The following KRT4 variants were observed in gnomAD, a reference collection of about 807,000 sequenced individuals.
KRT4 encodes keratin, type II cytoskeletal 4.
In KRT4, 47 loss-of-function variants were observed where a neutral mutation model predicts 50.6. The observed-to-expected ratio is 0.93, with a 90% CI of 0.73 to 1.18. KRT4 has a LOEUF of 1.18. Ranked by LOEUF, KRT4 falls within the 50% of genes most tolerant of loss-of-function variation. The pLI, the probability that KRT4 is intolerant of heterozygous loss-of-function variation, is 0.00. For missense variants in KRT4, 651 were observed against 645.7 expected (o/e 1.01, Z -0.09); for synonymous variants, 254 against 251.2 (o/e 1.01, Z -0.10).
In KRT4 at chr12:52,807,403, A is replaced by G; in HGVS notation, c.1347-10T>C. 6.2e-7 allele frequency: 1 copy of G among 1,614,180 alleles called. No homozygotes were observed. The highest frequency in any genetic ancestry group is 8.5e-7 in the Non-Finnish European group (1 of 1,180,010). ...GCATTCTCCAGACATTCTGTAGGGG[A>G]AAGAAAAGGCGGTGAGCCTCAGGGA... On this transcript the variant is annotated splice_polypyrimidine_tract_variant and intron_variant, in intron 7 of 8. Transcript: ENST00000551956.
At chr12:52,808,568 G>A (rs1939849351) in intron 5 of KRT4, 118 bp downstream of exon 5, 7 of 1,478,248 alleles carry the variant, frequency 4.7e-6, no homozygotes, top group Non-Finnish European at 6.6e-6. Flanking sequence ...AACGATGCCT[G>A]GGAGAGTCTG....
At position 52,808,331 on chromosome 12, in the gene KRT4, T is replaced by C; in HGVS notation, c.1088A>G (p.Gln363Arg). 6.2e-7 allele frequency: 1 copy of C among 1,614,176 alleles called. No homozygotes were observed. The highest frequency in any genetic ancestry group is 8.5e-7 in the Non-Finnish European group (1 of 1,180,028). Residue 363 changes from glutamine to arginine, a missense_variant, in exon 6 of 9, where the codon CAG (glutamine) becomes CGG (arginine). Gln to Arg is a conservative substitution (Grantham distance 43). Transcript: ENST00000551956. ...SEIAELNRMI[Q>R]RLRAEIENIK... The stretch of plus-strand genomic sequence containing the variant: ...GTTCTCGATCTCTGCCCGCAGCCTC[T>C]GGATCATCCTGTTGAGCTCTGCAAT...
rs1260907872 is a variant in KRT4, at chr12:52,808,820, C to T, written c.865G>A (p.Asp289Asn). 1.3e-5 allele frequency: 21 copies of T among 1,614,042 alleles called. No homozygotes were observed. The highest frequency in any genetic ancestry group is 1.6e-4 in the Middle Eastern group (1 of 6,084). Residue 289 changes from aspartate (D) to asparagine (N), a missense_variant, in exon 5 of 9, where the codon GAC becomes AAC. Coordinates refer to ENST00000551956, the MANE Select transcript of KRT4 (RefSeq NM_002272.4). ...ELSQMQTHVS[D>N]TSVVLSMDNN... ...TCCATGGAAAGGACCACGGACGTGTCGCTGACATGGGTCTGCATCTGGGAC... is the reference window on the plus strand; with the variant it reads ...TCCATGGAAAGGACCACGGACGTGTTGCTGACATGGGTCTGCATCTGGGAC...
chr12:52,813,647 G>T lies in KRT4; in HGVS notation c.412C>A (p.Arg138Ser), dbSNP rs770858924. The change falls in exon 1 of 9, where the codon CGC (arginine) becomes AGC (serine). Residue 138 changes from arginine to serine, a missense_variant. Arg to Ser is a moderately radical substitution (Grantham distance 110). Transcript: ENST00000551956. Reference sequence around the variant, plus strand: ...TTGTTGAGGAGCTTGATCTGTTCGCGCTCTTCCGTCCGGACTTTCTGGATC... The same window carrying T: ...TTGTTGAGGAGCTTGATCTGTTCGCTCTCTTCCGTCCGGACTTTCTGGATC... Reference protein sequence around the residue: ...PEIQKVRTEEREQIKLLNNKF... With the variant: ...PEIQKVRTEESEQIKLLNNKF... 6.2e-7 allele frequency: 1 copy of T among 1,614,138 alleles called. No homozygotes were observed. Among genetic ancestry groups the T allele is most frequent in the African/African-American group, 1.3e-5 (1 of 75,028 alleles).
chr12:52,807,932 T>C, intron 6 of KRT4, 68 bp from the exon 7 acceptor site: 1 of 1,371,148 alleles, frequency 7.3e-7, no homozygotes, highest in Non-Finnish European at 1.0e-6. Flanking sequence ...ACCTGTCCCC[T>C]CCCCTGGTCC....
Position 52,811,970 on chromosome 12 carries a change from A to C in KRT4, c.470T>G (p.Phe157Cys). 1 of 1,613,286 alleles carries C rather than the reference A, an allele frequency of 6.2e-7. No homozygotes were observed. The highest frequency in any genetic ancestry group is 1.1e-5 in the South Asian group (1 of 90,988). ...KFASFIDKVQ[F>C]LEQQNKVLET... ...CAGGACCTTATTCTGTTGCTCTAAG[A>C]ACTGCACCTGTGTTGATAAAGGCAC... is the stretch of plus-strand genomic sequence containing the variant. Residue 157 changes from phenylalanine (F) to cysteine (C), a missense_variant, in exon 2 of 9, where the codon TTC becomes TGC. Transcript: ENST00000551956.
rs1345620523 is a variant in KRT4 at position 52,808,813 on chromosome 12, G to T, written c.872C>A (p.Ser291Tyr). The change falls in exon 5 of 9, where the codon TCC becomes TAC. Residue 291 changes from serine (S) to tyrosine (Y), a missense_variant. By Grantham distance (144) the Ser-to-Tyr change is moderately radical. Transcript: ENST00000551956. ...SQMQTHVSDT[S>Y]VVLSMDNNRN... ...GTTGTTGTCCATGGAAAGGACCACG[G>T]ACGTGTCGCTGACATGGGTCTGCAT... 6.2e-7 allele frequency: 1 copy of T among 1,614,212 alleles called. No individual in the cohort carries two copies. Among genetic ancestry groups the T allele is most frequent in the South Asian group, 1.1e-5 (1 of 91,084 alleles).
chr12:52,811,481 T>C, intron 2 of KRT4: 1 of 438,998 alleles, frequency 2.3e-6, no homozygotes, highest in Non-Finnish European at 4.2e-6. Context: ...TGTATTCTTC[T>C]AATCATACTA....
At position 52,813,864 on chromosome 12, in the gene KRT4, C is replaced by G. The variant is rs1256343870; in HGVS notation, c.195G>C (p.Val65=). Residue 65 remains valine, a synonymous_variant, in exon 1 of 9, where the codon GTG becomes GTC. Coordinates refer to ENST00000551956, the MANE Select transcript of KRT4 (RefSeq NM_002272.4). ...AGCAGGCACCTTGTCGTGACCCAGC[C>G]ACACTCATGGAGATGCTTTTGTTCC... The part of the protein sequence containing the change: ...LRGNKSISMS[V]AGSRQGACFG... 14 of 971,796 alleles carry G rather than the reference C, an allele frequency of 1.4e-5. No individual in the cohort carries two copies. Among genetic ancestry groups the G allele is most frequent in the Non-Finnish European group, 1.8e-5 (14 of 798,492 alleles). The allele number at this position is 971,796 out of a possible 1,614,324, so 60.2% of individuals were successfully genotyped here.
rs111875720 is a variant in KRT4 at position 52,813,836 on chromosome 12, C to T, written c.223G>A (p.Gly75Arg). 6.2e-7 allele frequency: 1 copy of T among 1,613,354 alleles called. No individual in the cohort carries two copies. Among genetic ancestry groups the T allele is most frequent in the Non-Finnish European group, 8.5e-7 (1 of 1,179,376 alleles). ...CCAGTGCCAAAGCCTCCAGCACCCC[C>T]AAAGCAGGCACCTTGTCGTGACCCA... is the stretch of plus-strand genomic sequence containing the variant. ...VAGSRQGACF[G>R]GAGGFGTGGF... The change falls in exon 1 of 9, where the codon GGG becomes AGG. Residue 75 changes from glycine to arginine, a missense_variant. Physicochemically the swap from Gly to Arg is moderately radical, Grantham distance 125. Transcript: ENST00000551956.
At chr12:52,812,178 G>A (rs1440087343) in intron 1 of KRT4, among the ~76,000 whole-genome samples, 2 of 152,134 alleles carry the variant, frequency 1.3e-5, no homozygotes, top group Admixed American at 6.5e-5. Flanking sequence ...AGCACCAAGG[G>A]GTCACATAGG....
rs945370204 is a variant in KRT4 at position 52,808,668 on chromosome 12, G to C, written c.999+18C>G. The C allele has an allele frequency of 6.2e-7, 1 of 1,613,946 alleles. No homozygotes were observed. The highest frequency in any genetic ancestry group is 8.5e-7 in the Non-Finnish European group (1 of 1,179,806). On this transcript the variant is annotated intron_variant, in intron 5 of 8. Coordinates refer to ENST00000551956, the MANE Select transcript of KRT4 (RefSeq NM_002272.4). ...CCCCAGAGCCAGCCCCATCTCCTGA[G>C]AGATCCATACCACCCACCTTGGTCT...
chr12:52,811,864 G>T lies in KRT4; in HGVS notation c.576C>A (p.Leu192=). 1 of 1,614,096 alleles carries T rather than the reference G, an allele frequency of 6.2e-7. No homozygotes were observed. Residue 192 remains leucine, a synonymous_variant, in exon 2 of 9, where the codon CTC becomes CTA. Transcript: ENST00000551956. ...TATCTAGCTGCTTCCTCAGGACACT[G>T]AGGTAGGTCTCAAAGAGGGGCTCAA... ...KNLEPLFETY[L]SVLRKQLDTL...
intron 3 of KRT4, 74 bp from the exon 4 acceptor site, chr12:52,809,552 G>GTCGGTGTC: frequency 6.8e-6 from 7 of 1,035,238 alleles, no homozygotes; most frequent in Non-Finnish European, 1.1e-5. Flanking sequence ...AAGTGACACC[G>GTCGGTGTC]ACAGGTGTTC....
intron 7 of KRT4, 72 bp from the exon 8 acceptor site, chr12:52,807,465 C>G (rs1468049315): frequency 6.4e-7 from 1 of 1,572,598 alleles, no homozygotes; most frequent in African/African-American, 1.4e-5. Context: ...CCTCACTCAC[C>G]TCTCTTATCC....
chr12:52,808,441 A>G (rs369321579), intron 5 of KRT4, 22 bp from the exon 6 acceptor site: 41 of 1,613,050 alleles, frequency 2.5e-5, no homozygotes, highest in Non-Finnish European at 3.5e-5. Context: ...GAAGACACAG[A>G]GAACCAGGTG....
At chr12:52,809,318 CA>C (rs1423084689) in intron 4 of KRT4, 64 bp downstream of exon 4, 16 of 1,275,494 alleles carry the variant, frequency 1.3e-5, no homozygotes, top group African/African-American at 2.9e-5. Context: ...CTGTGAATCC[CA>C]ACCAGCAGCG....
intron 6 of KRT4, 114 bp from the exon 7 acceptor site, chr12:52,807,978 G>C: frequency 5.1e-6 from 5 of 971,308 alleles, no homozygotes; most frequent in Non-Finnish European, 7.9e-6. Flanking sequence ...GATTCTATCT[G>C]TTCTGCCCAC....
rs754855605 is a variant in KRT4 at position 52,811,786 on chromosome 12, G to T, written c.654C>A (p.Asp218Glu). 1 of 1,613,524 alleles carries T rather than the reference G, an allele frequency of 6.2e-7. No individual in the cohort carries two copies. Among genetic ancestry groups the T allele is most frequent in the Admixed American group, 1.7e-5 (1 of 60,022 alleles). ...RLQSELKTMQ[D>E]SVEDFKTKYE... is the part of the protein sequence containing the mutation. ...ACTTAGTCTTGAAGTCCTCCACGCT[G>T]TCCTGCATGGTCTTCAGCTCAGACT... Residue 218 changes from aspartate (D) to glutamate (E), a missense_variant, in exon 2 of 9, where the codon GAC (aspartate) becomes GAA (glutamate). Asp to Glu is a conservative substitution (Grantham distance 45). Transcript: ENST00000551956.
Sources: gnomAD v4.1 joint callset for allele counts (sites outside exome capture counted in the v4.1 genomes callset) on GRCh38, gnomAD v4.1.1 for gene constraint, MANE v1.5 for transcripts, NCBI Gene and HGNC (gene_info 2026-07-23, HGNC 2026-07-21) for gene names.